The following MPLKIP variants were observed in gnomAD, a reference collection of about 807,000 sequenced individuals.
MPLKIP encodes M-phase-specific PLK1-interacting protein.
Under a neutral mutation model 16.9 loss-of-function variants are expected in MPLKIP, and 16 were observed. The observed-to-expected ratio is 0.94, with a 90% CI of 0.64 to 1.43. MPLKIP has a LOEUF of 1.43. MPLKIP is among the 40% of genes most tolerant of loss of function. The pLI is 0.00. For synonymous variants in MPLKIP, 126 were observed against 98.4 expected, an observed-to-expected ratio of 1.28 and a Z score of -1.66; for missense variants, 282 against 237.6, an observed-to-expected ratio of 1.19 and a Z score of -1.23.
chr7:40,134,578 A>G lies in MPLKIP; in HGVS notation c.-11T>C. Reference sequence around the variant, plus strand: ...ATTCTGTCGCTGCATATCAGGAGCCAAAGCCGAAAACCTCGCAGCCGCGTT... The same window carrying G: ...ATTCTGTCGCTGCATATCAGGAGCCGAAGCCGAAAACCTCGCAGCCGCGTT... On this transcript the variant is annotated 5_prime_UTR_variant, in exon 1 of 2. Transcript: ENST00000306984. The G allele has an allele frequency of 6.3e-7, 1 of 1,578,610 alleles. No individual in the cohort carries two copies.
chr7:40,133,241 T>C lies in MPLKIP; in HGVS notation c.358A>G (p.Thr120Ala). The change falls in exon 2 of 2, where the codon ACA becomes GCA. Residue 120 changes from threonine to alanine, a missense_variant. Thr to Ala is a moderately conservative substitution (Grantham distance 58). Transcript: ENST00000306984. ...THPQGSPRTS[T>A]PFGSGRVREK... Reference sequence around the variant, plus strand: ...CTAACACGCCCTGATCCAAATGGTGTAGATGTCCTTGGAGAACCCTTTAGA... The same window carrying C: ...CTAACACGCCCTGATCCAAATGGTGCAGATGTCCTTGGAGAACCCTTTAGA... 6.2e-7 allele frequency: 1 copy of C among 1,613,382 alleles called. No homozygotes were observed. Among genetic ancestry groups the C allele is most frequent in the Non-Finnish European group, 8.5e-7 (1 of 1,179,948 alleles).
rs1425384446 is a variant in MPLKIP at position 40,133,091 on chromosome 7, A to T, written c.508T>A (p.Phe170Ile). The T allele has an allele frequency of 1.2e-6, 2 of 1,613,800 alleles. No individual in the cohort carries two copies. Among genetic ancestry groups the T allele is most frequent in the East Asian group, 2.2e-5 (1 of 44,820 alleles). Residue 170 changes from phenylalanine (F) to isoleucine (I), a missense_variant, in exon 2 of 2, where the codon TTC becomes ATC. Coordinates refer to ENST00000306984, the MANE Select transcript of MPLKIP (RefSeq NM_138701.4). ...AAGTATCTTCCTTTTTTGCCTGTGA[A>T]TGTTTGAGTATTGCTGTATTGTTGG... ...ISQQYSNTQT[F>I]TGKKGRYFC is the part of the protein sequence containing the mutation.
In MPLKIP at chr7:40,127,929, T is replaced by A. The variant is rs1787411855; in HGVS notation, c.*5130A>T. 4 of 151,784 alleles carry A rather than the reference T, an allele frequency of 2.6e-5. No individual in the cohort carries two copies. Among genetic ancestry groups the A allele is most frequent in the Admixed American group, 2.6e-4 (4 of 15,224 alleles). 9.4% of individuals were successfully genotyped at this position (151,784 alleles called of 1,614,324 possible). A position where few individuals can be genotyped will look rare whatever the true frequency, so the allele number is the denominator to read the frequency against. ...ATGGTGGCTTGCACCTGTAATCCCA[T>A]CTACTCAGGAGGCTAAGGCAGGAGA... is the stretch of plus-strand genomic sequence containing the variant. On this transcript the variant is annotated 3_prime_UTR_variant, in exon 2 of 2. Coordinates refer to ENST00000306984, the MANE Select transcript of MPLKIP (RefSeq NM_138701.4).
In MPLKIP at chr7:40,134,198, G is replaced by C. The variant is rs530527868; in HGVS notation, c.339+31C>G. ...TAGTACCGTGCCTGCCATAAAGTAAGAGCTCGGCAAACGCTGGCTATTATT... is the reference window on the plus strand; with the variant it reads ...TAGTACCGTGCCTGCCATAAAGTAACAGCTCGGCAAACGCTGGCTATTATT... On this transcript the variant is annotated intron_variant, in intron 1 of 1. Coordinates refer to ENST00000306984, the MANE Select transcript of MPLKIP (RefSeq NM_138701.4). 7.8e-6 allele frequency: 12 copies of C among 1,545,930 alleles called. No individual in the cohort carries two copies. The South Asian group carries it at 1.4e-4, about 18-fold the overall frequency.
rs372343532 is a variant in MPLKIP at position 40,133,120 on chromosome 7, A to T, written c.479T>A (p.Ile160Lys). 1.2e-6 allele frequency: 2 copies of T among 1,613,880 alleles called. No homozygotes were observed. Among genetic ancestry groups the T allele is most frequent in the African/African-American group, 2.7e-5 (2 of 74,922 alleles). ...AGLEPVSVVD[I>K]SQQYSNTQTF... Reference sequence around the variant, plus strand: ...TTGAGTATTGCTGTATTGTTGGCTTATATCCACTACAGATACTGGTTCTAG... The same window carrying T: ...TTGAGTATTGCTGTATTGTTGGCTTTTATCCACTACAGATACTGGTTCTAG... The change falls in exon 2 of 2, where the codon ATA becomes AAA. Residue 160 changes from isoleucine to lysine, a missense_variant. Physicochemically the swap from Ile to Lys is moderately radical, Grantham distance 102. Transcript: ENST00000306984.
In MPLKIP at chr7:40,128,276, T is replaced by C. The variant is rs1451271190; in HGVS notation, c.*4783A>G. The C allele has an allele frequency of 1.3e-5, 2 of 152,184 alleles. No homozygotes were observed. Among genetic ancestry groups the C allele is most frequent in the Non-Finnish European group, 2.9e-5 (2 of 68,030 alleles). The allele number at this position is 152,184 out of a possible 1,614,324, so 9.4% of individuals were successfully genotyped here. On this transcript the variant is annotated 3_prime_UTR_variant, in exon 2 of 2. Transcript: ENST00000306984. ...CAGTAAAAACTACAACATATTTCTG[T>C]TAACTTAAACCTAAGTATATGGTAG...
In MPLKIP at chr7:40,132,656, C is replaced by T. The variant is rs769605185; in HGVS notation, c.*403G>A. The T allele has an allele frequency of 2.9e-5, 7 of 243,446 alleles. No individual in the cohort carries two copies. The highest frequency in any genetic ancestry group is 5.7e-5 in the Non-Finnish European group (7 of 122,448). The allele number at this position is 243,446 out of a possible 1,614,324, so 15.1% of individuals were successfully genotyped here. On this transcript the variant is annotated 3_prime_UTR_variant, in exon 2 of 2. Transcript: ENST00000306984. Reference sequence around the variant, plus strand: ...CTATTTCATTTTCAAAAATAATTTGCAAAACATTTACCTATGAACTCTAAG... The same window carrying T: ...CTATTTCATTTTCAAAAATAATTTGTAAAACATTTACCTATGAACTCTAAG...
rs970434411 is a variant in MPLKIP, at chr7:40,129,943, G to C, written c.*3116C>G. On this transcript the variant is annotated 3_prime_UTR_variant, in exon 2 of 2. Transcript: ENST00000306984. ...TGCCATAGGTTTCTTTTGTAAAATG[G>C]GAGACCAGTGATTACCAAAAGGCAG... is the stretch of plus-strand genomic sequence containing the variant. The C allele has an allele frequency of 6.6e-6, 1 of 152,140 alleles. No homozygotes were observed. The highest frequency in any genetic ancestry group is 1.5e-5 in the Non-Finnish European group (1 of 68,022). 9.4% of individuals were successfully genotyped at this position (152,140 alleles called of 1,614,324 possible).
Position 40,134,324 on chromosome 7 carries a change from A to T in MPLKIP, c.244T>A (p.Ser82Thr), listed in dbSNP as rs1422701856. ...SFPGGRFGSPSPGGYPGSYSR... is the reference protein window; with the variant it reads ...SFPGGRFGSPTPGGYPGSYSR... The stretch of plus-strand genomic sequence containing the variant: ...TAGGAGCCAGGGTAGCCGCCAGGGG[A>T]CGGAGACCCGAACCGGCCCCCCGGG... Residue 82 changes from serine (S) to threonine (T), a missense_variant, in exon 1 of 2, where the codon TCC becomes ACC. Physicochemically the swap from Ser to Thr is moderately conservative, Grantham distance 58. Coordinates refer to ENST00000306984, the MANE Select transcript of MPLKIP (RefSeq NM_138701.4). 1 of 1,554,144 alleles carries T rather than the reference A, an allele frequency of 6.4e-7. No individual in the cohort carries two copies. Among genetic ancestry groups the T allele is most frequent in the Non-Finnish European group, 8.7e-7 (1 of 1,149,440 alleles).
rs1787403847 is a variant in MPLKIP, at chr7:40,127,253, A to C, written c.*5806T>G. ...AATATGGTGAAACCCCATCTCTACC[A>C]AATATAAAAAATTAGCAGGGTGTGG... On this transcript the variant is annotated 3_prime_UTR_variant, in exon 2 of 2. Transcript: ENST00000306984. 6.6e-6 allele frequency: 1 copy of C among 152,070 alleles called. No homozygotes were observed. Among genetic ancestry groups the C allele is most frequent in the South Asian group, 2.1e-4 (1 of 4,822 alleles). The allele number at this position is 152,070 out of a possible 1,614,324, so 9.4% of individuals were successfully genotyped here.
At position 40,129,387 on chromosome 7, in the gene MPLKIP, G is replaced by C. The variant is rs1403020293; in HGVS notation, c.*3672C>G. 4 of 151,822 alleles carry C rather than the reference G, an allele frequency of 2.6e-5. No homozygotes were observed. The highest frequency in any genetic ancestry group is 5.9e-5 in the Non-Finnish European group (4 of 68,044). The allele number at this position is 151,822 out of a possible 1,614,324, so 9.4% of individuals were successfully genotyped here. A position where few individuals can be genotyped will look rare whatever the true frequency, so the allele number is the denominator to read the frequency against. Reference sequence around the variant, plus strand: ...TTCTTCTGCCTCAGCCTCCCCAGTAGCTGGTATTACAGGCGCGCGCCACCA... The same window carrying C: ...TTCTTCTGCCTCAGCCTCCCCAGTACCTGGTATTACAGGCGCGCGCCACCA... On this transcript the variant is annotated 3_prime_UTR_variant, in exon 2 of 2. Coordinates refer to ENST00000306984, the MANE Select transcript of MPLKIP (RefSeq NM_138701.4).
Position 40,133,214 on chromosome 7 carries a change from C to G in MPLKIP, c.385G>C (p.Glu129Gln), listed in dbSNP as rs754077410. The G allele has an allele frequency of 1.2e-5, 20 of 1,613,484 alleles. No homozygotes were observed. The highest frequency in any genetic ancestry group is 1.7e-5 in the Non-Finnish European group (20 of 1,179,968). Residue 129 changes from glutamate (E) to glutamine (Q), a missense_variant, in exon 2 of 2, where the codon GAA becomes CAA. Glu to Gln is a conservative substitution (Grantham distance 29). Coordinates refer to ENST00000306984, the MANE Select transcript of MPLKIP (RefSeq NM_138701.4). ...TCCAACTCATTAGACATTCTTTTTT[C>G]TCTAACACGCCCTGATCCAAATGGT... is the stretch of plus-strand genomic sequence containing the variant. Reference protein sequence around the residue: ...STPFGSGRVREKRMSNELENY... With the variant: ...STPFGSGRVRQKRMSNELENY...
Position 40,133,001 on chromosome 7 carries a change from T to TA in MPLKIP, c.*57dup. On this transcript the variant is annotated 3_prime_UTR_variant, in exon 2 of 2. Coordinates refer to ENST00000306984, the MANE Select transcript of MPLKIP (RefSeq NM_138701.4). Reference sequence around the variant, plus strand: ...TGGGTAAATTTATATCAACACAACTTAAAGTTTTGTCCAAGATGTTCCTGA... The same window carrying TA: ...TGGGTAAATTTATATCAACACAACTTAAAAGTTTTGTCCAAGATGTTCCTGA... 2.0e-6 allele frequency: 3 copies of TA among 1,475,518 alleles called. No homozygotes were observed. Among genetic ancestry groups the TA allele is most frequent in the East Asian group, 2.3e-5 (1 of 43,958 alleles). The allele number at this position is 1,475,518 out of a possible 1,614,324, so 91.4% of individuals were successfully genotyped here.
At chr7:40,133,322 C>A in intron 1 of MPLKIP, 63 bp from the exon 2 acceptor site, 1 of 1,440,704 alleles carries the variant, frequency 6.9e-7, no homozygotes, top group Non-Finnish European at 9.7e-7. Context: ...CTTCCTTTAG[C>A]TAAAGGTTAG....
rs1787424630 is a variant in MPLKIP at position 40,128,820 on chromosome 7, G to A, written c.*4239C>T. ...AGTCCCAACTACTCGGGAGGCTGAG[G>A]CAGGAGAATTGCTTGAACTTGGGAG... is the stretch of plus-strand genomic sequence containing the variant. On this transcript the variant is annotated 3_prime_UTR_variant, in exon 2 of 2. Coordinates refer to ENST00000306984, the MANE Select transcript of MPLKIP (RefSeq NM_138701.4). 2 of 150,816 alleles carry A rather than the reference G, an allele frequency of 1.3e-5. No individual in the cohort carries two copies. The allele number at this position is 150,816 out of a possible 1,614,324, so 9.3% of individuals were successfully genotyped here.
chr7:40,133,353 A>G (rs1372524867), intron 1 of MPLKIP, 94 bp from the exon 2 acceptor site: 2 of 1,104,950 alleles, frequency 1.8e-6, no homozygotes, highest in East Asian at 2.4e-5. Flanking sequence ...ATTGCTGCTT[A>G]AAAGTTGTGA....
At chr7:40,134,145 G>A in intron 1 of MPLKIP, 84 bp downstream of exon 1, 1 of 1,464,736 alleles carries the variant, frequency 6.8e-7, no homozygotes, top group East Asian at 2.5e-5. Flanking sequence ...GAGAGGATTA[G>A]ACAAAATAAT....
In MPLKIP at chr7:40,132,911, A is replaced by G; in HGVS notation, c.*148T>C. The G allele has an allele frequency of 1.3e-6, 1 of 741,962 alleles. No homozygotes were observed. The highest frequency in any genetic ancestry group is 2.7e-5 in the East Asian group (1 of 37,152). 46.0% of individuals were successfully genotyped at this position (741,962 alleles called of 1,614,324 possible). A position where few individuals can be genotyped will look rare whatever the true frequency, so the allele number is the denominator to read the frequency against. On this transcript the variant is annotated 3_prime_UTR_variant, in exon 2 of 2. Transcript: ENST00000306984. ...TCCTACTTTTTTCTCTAATATCAAC[A>G]ATACCTGATACGATGAAAAATAACA...
chr7:40,134,456 G>GA lies in MPLKIP; in HGVS notation c.111_112insT (p.Pro38SerfsTer22). On this transcript the variant is annotated frameshift_variant, in exon 1 of 2. Coordinates refer to ENST00000306984, the MANE Select transcript of MPLKIP (RefSeq NM_138701.4). LOFTEE classifies it high-confidence loss of function. ...CCGTACCCGTCTCGAGGGGAGGGCGGCCGTGGTCCGCCCCCGCCCGGGGTT... is the reference window on the plus strand; with the variant it reads ...CCGTACCCGTCTCGAGGGGAGGGCGGACCGTGGTCCGCCCCCGCCCGGGGTT... 5.1e-6 allele frequency: 8 copies of GA among 1,568,434 alleles called. No homozygotes were observed. Among genetic ancestry groups the GA allele is most frequent in the Non-Finnish European group, 6.9e-6 (8 of 1,158,676 alleles).
Sources: allele counts gnomAD v4.1 joint callset, GRCh38; gene constraint gnomAD v4.1.1; transcripts MANE v1.5; gene names NCBI Gene and HGNC (gene_info 2026-07-23, HGNC 2026-07-21).